KLHL6: variants seen among roughly 807,000 people sequenced by gnomAD.
KLHL6 encodes the protein kelch like family member 6, also known as kelch-like protein 6.
In KLHL6, 41 loss-of-function variants were observed where a neutral mutation model predicts 58.6. That is an observed-to-expected ratio of 0.70 (90% CI 0.55 to 0.91). KLHL6 has a LOEUF of 0.91. KLHL6 is among the 40% of genes least tolerant of loss of function. The probability of loss-of-function intolerance (pLI) is 0.00; values close to 1 mark genes in which losing one functional copy is unlikely to be tolerated. For synonymous variants in KLHL6, 338 were observed against 322.7 expected (o/e 1.05, Z -0.51); for missense variants, 714 against 805.6 (o/e 0.89, Z 1.38).
At chr3:183,515,287 C>T (rs1210783019) in intron 2 of KLHL6, among the ~76,000 whole-genome samples, 3 of 152,290 alleles carry the variant, frequency 2.0e-5, no homozygotes, top group East Asian at 3.9e-4. Flanking sequence ...ATGGCTTAAG[C>T]TTATAATCCC....
intron 1 of KLHL6, among the ~76,000 whole-genome samples, chr3:183,542,665 C>T (rs1383677704): frequency 1.3e-5 from 2 of 152,166 alleles, no homozygotes; most frequent in African/African-American, 2.4e-5. Flanking sequence ...CCCAGCTCCA[C>T]CATAACCCCT....
chr3:183,535,346 C>T (rs1482433603), intron 1 of KLHL6, among the ~76,000 whole-genome samples: 3 of 152,224 alleles, frequency 2.0e-5, no homozygotes, highest in African/African-American at 7.2e-5. Context: ...CAGTGCAGCT[C>T]TTGCCATCAG....
intron 1 of KLHL6, among the ~76,000 whole-genome samples, chr3:183,545,044 G>A (rs1712675265): frequency 6.6e-6 from 1 of 152,128 alleles, no homozygotes; most frequent in Non-Finnish European, 1.5e-5. Flanking sequence ...AAGTCAGCCT[G>A]AGAAACCCAA....
chr3:183,533,709 C>T (rs1021165096), intron 1 of KLHL6, among the ~76,000 whole-genome samples: 5 of 152,136 alleles, frequency 3.3e-5, no homozygotes, highest in Non-Finnish European at 7.3e-5. Flanking sequence ...TCACTAGACA[C>T]TTGACTTGCT....
intron 2 of KLHL6, chr3:183,520,830 C>T (rs1711732230): frequency 1.3e-5 from 2 of 152,144 alleles, no homozygotes; most frequent in Non-Finnish European, 2.9e-5. Flanking sequence ...CATTCCATTT[C>T]CAGGGACGAG....
At chr3:183,547,220 C>T (rs1357911319) in intron 1 of KLHL6, among the ~76,000 whole-genome samples, 3 of 152,106 alleles carry the variant, frequency 2.0e-5, no homozygotes, top group Non-Finnish European at 4.4e-5. Context: ...ACCTCAGAGT[C>T]TTTATTTATT....
chr3:183,533,986 C>T (rs1341369653), intron 1 of KLHL6, among the ~76,000 whole-genome samples: 2 of 145,184 alleles, frequency 1.4e-5, no homozygotes, highest in African/African-American at 5.3e-5. Context: ...GATATCAGAG[C>T]AGGTGACCAA....
At chr3:183,536,894 C>T (rs192692449) in intron 1 of KLHL6, among the ~76,000 whole-genome samples, 13 of 152,122 alleles carry the variant, frequency 8.5e-5, no homozygotes, top group Admixed American at 2.6e-4. Flanking sequence ...GCGCTGTGCA[C>T]GAATCGGCCT....
chr3:183,518,479 G>C (rs1201160048), intron 2 of KLHL6, among the ~76,000 whole-genome samples: 1 of 152,150 alleles, frequency 6.6e-6, no homozygotes, highest in Non-Finnish European at 1.5e-5. Flanking sequence ...AACATGCTTA[G>C]TAATTTGTGG....
chr3:183,523,205 T>A (rs567365931), intron 2 of KLHL6: 11 of 152,348 alleles, frequency 7.2e-5, no homozygotes, highest in African/African-American at 2.4e-4. Flanking sequence ...CCACCAATAT[T>A]CATAGCATGC....
intron 1 of KLHL6, among the ~76,000 whole-genome samples, chr3:183,544,293 T>G (rs926917696): frequency 6.6e-6 from 1 of 152,100 alleles, no homozygotes; most frequent in South Asian, 2.1e-4. Context: ...AGAGGACATG[T>G]AGGTTGCCTA....
Position 183,500,218 on chromosome 3 carries a change from T to C in KLHL6, c.910-391A>G, listed in dbSNP as rs187188938. 2.9e-3 allele frequency among the ~76,000 whole-genome samples: 448 copies of C among 152,292 alleles called. 3 individuals carry two copies. The highest frequency in any genetic ancestry group is 0.01 in the African/African-American group (425 of 41,568). ...AATTTTATTTGGCGCTACTTTCCATTCCCCCTTGGCTTTAATTTCTTGATG... is the reference window on the plus strand; with the variant it reads ...AATTTTATTTGGCGCTACTTTCCATCCCCCCTTGGCTTTAATTTCTTGATG... On this transcript the variant is annotated intron_variant, in intron 3 of 6. Coordinates refer to ENST00000341319, the MANE Select transcript of KLHL6 (RefSeq NM_130446.4).
intron 3 of KLHL6, among the ~76,000 whole-genome samples, chr3:183,502,901 C>T (rs372333810): frequency 1.1e-3 from 160 of 152,300 alleles, no homozygotes; most frequent in African/African-American, 3.4e-3. Context: ...AATCATCTAG[C>T]TGATGGGCTT....
At position 183,533,072 on chromosome 3, in the gene KLHL6, G is replaced by T. The variant is rs563814978; in HGVS notation, c.294-5062C>A. Among the ~76,000 whole-genome samples, 10 of 152,282 alleles carry T rather than the reference G, an allele frequency of 6.6e-5. No individual in the cohort carries two copies. The South Asian group carries it at 1.5e-3, about 22-fold the overall frequency. On this transcript the variant is annotated intron_variant, in intron 1 of 6. Coordinates refer to ENST00000341319, the MANE Select transcript of KLHL6 (RefSeq NM_130446.4). ...TTCTAAGCTACAGACACATGAACAG[G>T]TTAGGGAGCCGTTATCTCCCAGCCA...
At chr3:183,505,619 A>T (rs993718991) in intron 3 of KLHL6, among the ~76,000 whole-genome samples, 1 of 152,172 alleles carries the variant, frequency 6.6e-6, no homozygotes, top group Non-Finnish European at 1.5e-5. Context: ...AGAAAAATCA[A>T]TAAAATTGAT....
rs545321128 is a variant in KLHL6 at position 183,527,668 on chromosome 3, T to G, written c.459+177A>C. Among the ~76,000 whole-genome samples, 77 of 152,218 alleles carry G rather than the reference T, an allele frequency of 5.1e-4. 2 individuals carry two copies. In the South Asian group the frequency reaches 0.015, roughly 30 times the overall value. ...TTTCCAAAAGAGCATCTTCTAACTT[T>G]CAAGTAAGCACAAGCCCAGCTAGGG... On this transcript the variant is annotated intron_variant, in intron 2 of 6. Coordinates refer to ENST00000341319, the MANE Select transcript of KLHL6 (RefSeq NM_130446.4).
rs748519137 is a variant in KLHL6, at chr3:183,508,144, A to G, written c.824T>C (p.Val275Ala). The change falls in exon 3 of 7, where the codon GTG (valine) becomes GCG (alanine). Residue 275 changes from valine to alanine, a missense_variant. Physicochemically the swap from Val to Ala is moderately conservative, Grantham distance 64. Around this residue, in one of 2 missense-constraint regions of KLHL6, gnomAD observed 510 missense variants for 629.7 expected, o/e 0.81. Transcript: ENST00000341319. ...LLDPWYFVETVEADPLIRQCP... is the reference protein window; with the variant it reads ...LLDPWYFVETAEADPLIRQCP... ...CTGCCTGATGAGAGGATCTGCTTCC[A>G]CCGTCTCCACAAAGTACCACGGGTC... 6.2e-7 allele frequency: 1 copy of G among 1,614,140 alleles called. No homozygotes were observed.
chr3:183,494,352 A>T (rs1717659440), intron 4 of KLHL6, 71 bp from the exon 5 acceptor site: 3 of 1,345,610 alleles, frequency 2.2e-6, no homozygotes, highest in Non-Finnish European at 2.1e-6. Context: ...ATAATATCCC[A>T]CATGTCCAAA....
At chr3:183,529,026 C>A (rs1022403694) in intron 1 of KLHL6, among the ~76,000 whole-genome samples, 1 of 152,140 alleles carries the variant, frequency 6.6e-6, no homozygotes, top group African/African-American at 2.4e-5. Context: ...GGGCCATTAT[C>A]CTTAGCAAAC....
Sources: gnomAD v4.1 joint callset for allele counts (sites outside exome capture counted in the v4.1 genomes callset) on GRCh38, gnomAD v4.1.1 for gene constraint, gnomAD v4.1.1 regional missense constraint, MANE v1.5 for transcripts, NCBI Gene and HGNC (gene_info 2026-07-23, HGNC 2026-07-21) for gene names.